The following KDM4C variants were observed in gnomAD, a reference collection of about 807,000 sequenced individuals.
The protein encoded by KDM4C is lysine demethylase 4C, also known as lysine-specific demethylase 4C.
In KDM4C, 81 loss-of-function variants were observed where a neutral mutation model predicts 129.3. The ratio of observed to expected loss-of-function variants is 0.63; its 90% CI spans 0.52 to 0.75. KDM4C has a LOEUF of 0.75. Among genes scored for constraint, KDM4C ranks in the 30% least tolerant of loss-of-function variants. The pLI, the probability that KDM4C is intolerant of heterozygous loss-of-function variation, is 0.00. For missense variants in KDM4C, 1,457 were observed against 1,304.0 expected, an observed-to-expected ratio of 1.12 and a Z score of -1.81; for synonymous variants, 573 against 456.1, an observed-to-expected ratio of 1.26 and a Z score of -3.26.
chr9:7,110,381 A>C (rs901109576), intron 18 of KDM4C, among the ~76,000 whole-genome samples: 1 of 152,200 alleles, frequency 6.6e-6, no homozygotes. Context: ...TTCAGGGTTC[A>C]TGTTGATATA....
chr9:6,917,614 A>G (rs1820555490), intron 8 of KDM4C, among the ~76,000 whole-genome samples: 1 of 152,104 alleles, frequency 6.6e-6, no homozygotes, highest in African/African-American at 2.4e-5. Context: ...CTAGGACTCC[A>G]ATGAGTTGTT....
intron 8 of KDM4C, among the ~76,000 whole-genome samples, chr9:6,928,474 C>T (rs1169104418): frequency 1.3e-5 from 2 of 152,200 alleles, no homozygotes; most frequent in Non-Finnish European, 2.9e-5. Context: ...CTTTGTCATT[C>T]CCCTTATTAC....
At chr9:6,773,531 G>A (rs1822339782) in intron 1 of KDM4C, among the ~76,000 whole-genome samples, 1 of 152,142 alleles carries the variant, frequency 6.6e-6, no homozygotes. Flanking sequence ...CAGCACTTTG[G>A]GAGGCTGAGA....
chr9:6,927,956 T>A (rs1478969079), intron 8 of KDM4C, among the ~76,000 whole-genome samples: 1 of 152,234 alleles, frequency 6.6e-6, no homozygotes, highest in Non-Finnish European at 1.5e-5. Context: ...TTTGGTATCA[T>A]CCTACCACTT....
At chr9:6,869,137 C>G (rs1226505214) in intron 5 of KDM4C, among the ~76,000 whole-genome samples, 1 of 152,148 alleles carries the variant, frequency 6.6e-6, no homozygotes, top group Non-Finnish European at 1.5e-5. Flanking sequence ...CTTTCCAAAG[C>G]TTAGTTATTC....
intron 1 of KDM4C, among the ~76,000 whole-genome samples, chr9:6,784,986 T>G (rs1319270027): frequency 6.6e-6 from 1 of 152,252 alleles, no homozygotes; most frequent in Non-Finnish European, 1.5e-5. Context: ...GCTTTGCTGT[T>G]GATAAAGCTA....
At chr9:7,100,862 C>G (rs1232005675) in intron 17 of KDM4C, among the ~76,000 whole-genome samples, 1 of 151,622 alleles carries the variant, frequency 6.6e-6, no homozygotes, top group African/African-American at 2.4e-5. Flanking sequence ...CTTTGGTATC[C>G]TTTGCCTAAA....
intron 17 of KDM4C, among the ~76,000 whole-genome samples, chr9:7,083,710 G>A (rs1173220533): frequency 1.5e-5 from 1 of 65,480 alleles, no homozygotes; most frequent in African/African-American, 7.2e-5. Context: ...GCACATGACT[G>A]ATGTGTGTGT....
At chr9:7,053,826 G>A (rs1313318179) in intron 17 of KDM4C, among the ~76,000 whole-genome samples, 1 of 152,162 alleles carries the variant, frequency 6.6e-6, no homozygotes, top group East Asian at 1.9e-4. Context: ...AAACTACCGG[G>A]TTATTAAGTA....
chr9:6,757,730 GC>G, upstream of KDM4C: 3 of 985,634 alleles, frequency 3.0e-6, no homozygotes, highest in Non-Finnish European at 3.6e-6. Context: ...GCGCTTCCGG[GC>G]AAGGTTCTGT....
chr9:6,739,185 G>T (rs1817613873), intron 1 of KDM4C, among the ~76,000 whole-genome samples: 1 of 151,894 alleles, frequency 6.6e-6, no homozygotes, highest in South Asian at 2.1e-4. Flanking sequence ...CGATTCTTGT[G>T]CCTCAGCTTC....
chr9:6,799,024 G>T (rs1373104120), intron 2 of KDM4C, among the ~76,000 whole-genome samples: 2 of 150,010 alleles, frequency 1.3e-5, no homozygotes, highest in Non-Finnish European at 3.0e-5. Flanking sequence ...GGGAAGAGGC[G>T]CTCCTCACTT....
intron 5 of KDM4C, among the ~76,000 whole-genome samples, chr9:6,857,036 A>G (rs1839988094): frequency 6.6e-6 from 1 of 152,254 alleles, no homozygotes; most frequent in South Asian, 2.1e-4. Flanking sequence ...GTATTTTTGT[A>G]GAGATGGGAT....
At chr9:6,953,282 T>G (rs1199557505) in intron 8 of KDM4C, among the ~76,000 whole-genome samples, 2 of 152,224 alleles carry the variant, frequency 1.3e-5, no homozygotes, top group African/African-American at 4.8e-5. Context: ...AATCACCAGC[T>G]TATTCAGCAG....
exon 1 of KDM4C, chr9:6,720,865 G>C: frequency 8.2e-7 from 1 of 1,214,814 alleles, no homozygotes; most frequent in Non-Finnish European, 1.2e-6. Context: ...CTCCACAGAT[G>C]GCTGACATGA....
intron 17 of KDM4C, chr9:7,077,144 T>C (rs1291655823): frequency 1.0e-6 from 1 of 985,326 alleles, no homozygotes; most frequent in African/African-American, 1.7e-5. Flanking sequence ...GGCTGACAGA[T>C]GTTGAGAACG....
intron 8 of KDM4C, among the ~76,000 whole-genome samples, chr9:6,906,716 A>G (rs142387888): frequency 3.3e-4 from 50 of 152,338 alleles, no homozygotes; most frequent in Admixed American, 5.2e-4. Flanking sequence ...TGCTGGAATT[A>G]TAGGTGTCAG....
At chr9:6,811,262 T>C (rs1230585533) in intron 3 of KDM4C, among the ~76,000 whole-genome samples, 1 of 152,138 alleles carries the variant, frequency 6.6e-6, no homozygotes, top group African/African-American at 2.4e-5. Flanking sequence ...CAAGTGATTC[T>C]CCTGCCTCAG....
intron 12 of KDM4C, among the ~76,000 whole-genome samples, chr9:7,010,567 T>G (rs75604476): frequency 6.6e-6 from 1 of 152,210 alleles, no homozygotes; most frequent in African/African-American, 2.4e-5. Context: ...AAGCTACTTA[T>G]GCAGATATTT....
Sources: gnomAD v4.1 joint callset for allele counts (sites outside exome capture counted in the v4.1 genomes callset) on GRCh38, gnomAD v4.1.1 for gene constraint, MANE v1.5 for transcripts, NCBI Gene and HGNC (gene_info 2026-07-23, HGNC 2026-07-21) for gene names.